Variants in CTSC observed in about 807,000 individuals in gnomAD.
CTSC encodes cathepsin C.
Under a neutral mutation model 40.9 loss-of-function variants are expected in CTSC, and 37 were observed. The observed-to-expected ratio is 0.91, with a 90% CI of 0.70 to 1.19. The LOEUF (loss-of-function observed/expected upper bound fraction) is 1.19. Ranked by LOEUF, CTSC falls within the 50% of genes most tolerant of loss-of-function variation. CTSC has a pLI of 0.00. For synonymous variants in CTSC, 232 were observed against 207.4 expected (o/e 1.12, Z -1.02); for missense variants, 594 against 567.3 (o/e 1.05, Z -0.48).
rs104894216 is a variant in CTSC at position 88,312,493 on chromosome 11, T to C, written c.380A>G (p.His127Arg). The C allele has an allele frequency of 8.7e-6, 14 of 1,614,082 alleles. No individual in the cohort carries two copies. Among genetic ancestry groups the C allele is most frequent in the Non-Finnish European group, 1.2e-5 (14 of 1,180,050 alleles). Reference sequence around the variant, plus strand: ...AGCCCAGTTCCGGCCCAACACATCATGCACCCACCCAGTCATTGTCTCGTT... The same window carrying C: ...AGCCCAGTTCCGGCCCAACACATCACGCACCCACCCAGTCATTGTCTCGTT... ...YCNETMTGWV[H>R]DVLGRNWACF... The change falls in exon 3 of 7, where the codon CAT becomes CGT. Residue 127 changes from histidine (H) to arginine (R), a missense_variant. By Grantham distance (29) the His-to-Arg change is conservative. Transcript: ENST00000227266.
intron 2 of CTSC, among the ~76,000 whole-genome samples, chr11:88,330,771 T>A (rs1485345436): frequency 6.6e-6 from 1 of 152,232 alleles, no homozygotes; most frequent in Non-Finnish European, 1.5e-5. Flanking sequence ...TCCAAATATA[T>A]GTATCTCCAT....
chr11:88,335,467 T>C (rs986992158), intron 1 of CTSC, among the ~76,000 whole-genome samples: 2 of 152,168 alleles, frequency 1.3e-5, no homozygotes, highest in East Asian at 3.9e-4. Context: ...CCCAGCTATT[T>C]GAGCGGCTGA....
chr11:88,328,326 C>A, intron 2 of CTSC: 1 of 712,516 alleles, frequency 1.4e-6, no homozygotes, highest in Non-Finnish European at 2.5e-6. Context: ...CTGAAATACT[C>A]TTACAAGTAA....
Position 88,296,474 on chromosome 11 carries a change from C to CATTA in CTSC, c.758-214_758-211dup, listed in dbSNP as rs1263844814. 3 of 527,802 alleles carry CATTA rather than the reference C, an allele frequency of 5.7e-6. No individual in the cohort carries two copies. The East Asian group carries it at 1.1e-4, about 20-fold the overall frequency. The allele number at this position is 527,802 out of a possible 1,614,324, so 32.7% of individuals were successfully genotyped here. ...TCATCCTTTTTCATCAAAAGGCAAA[C>CATTA]ATTAGTACATGGGACTTTCTTTGAG... On this transcript the variant is annotated intron_variant, in intron 5 of 6. Transcript: ENST00000227266.
intron 2 of CTSC, among the ~76,000 whole-genome samples, chr11:88,320,471 T>G (rs1435043596): frequency 2.0e-5 from 3 of 152,174 alleles, no homozygotes; most frequent in African/African-American, 7.2e-5. Context: ...CTCACTATAC[T>G]CAACAGAGGT....
At chr11:88,327,780 T>C (rs1359516233) in intron 2 of CTSC, 2 of 347,250 alleles carry the variant, frequency 5.8e-6, no homozygotes, top group Non-Finnish European at 1.1e-5. Flanking sequence ...CTAACTACTT[T>C]ACGAATGTGA....
intron 2 of CTSC, among the ~76,000 whole-genome samples, chr11:88,317,350 TTTG>T (rs1351577930): frequency 6.6e-6 from 1 of 152,276 alleles, no homozygotes; most frequent in Non-Finnish European, 1.5e-5. Context: ...CAACTTTGTT[TTTG>T]TTGTTATAAC....
intron 2 of CTSC, among the ~76,000 whole-genome samples, chr11:88,317,747 T>A (rs1037208005): frequency 3.3e-5 from 5 of 152,268 alleles, no homozygotes; most frequent in Non-Finnish European, 5.9e-5. Flanking sequence ...TTTTTCTGAG[T>A]TTTCACTTAT....
In CTSC at chr11:88,320,003, T is replaced by C. The variant is rs115415210; in HGVS notation, c.319-7449A>G. ...CTGTCAGAAAGGAACCAGGCAAATT[T>C]TACTGAATTGGTATTTTGCCAAATC... On this transcript the variant is annotated intron_variant, in intron 2 of 6. Coordinates refer to ENST00000227266, the MANE Select transcript of CTSC (RefSeq NM_001814.6). Among the ~76,000 whole-genome samples the C allele has an allele frequency of 5.6e-3, 848 of 152,338 alleles. 3 individuals carry two copies. Among genetic ancestry groups the C allele is most frequent in the African/African-American group, 0.02 (825 of 41,578 alleles).
At position 88,312,375 on chromosome 11, in the gene CTSC, T is replaced by C; in HGVS notation, c.485+13A>G. The C allele has an allele frequency of 4.3e-6, 7 of 1,613,644 alleles. No homozygotes were observed. Among genetic ancestry groups the C allele is most frequent in the Non-Finnish European group, 4.2e-6 (5 of 1,179,540 alleles). On this transcript the variant is annotated intron_variant, in intron 3 of 6. Coordinates refer to ENST00000227266, the MANE Select transcript of CTSC (RefSeq NM_001814.6). The stretch of plus-strand genomic sequence containing the variant: ...AACAAAACTAAACGTATGTCTCATT[T>C]GTAGCAACTCACTTTTCCTGAGAAT...
chr11:88,315,105 T>C (rs79062842), intron 2 of CTSC, among the ~76,000 whole-genome samples: 2,511 of 152,268 alleles, frequency 0.016, 78 homozygotes, highest in African/African-American at 0.057. Context: ...CAACCTAAAC[T>C]CCATAAAGTT....
At chr11:88,317,512 G>A (rs141816805) in intron 2 of CTSC, among the ~76,000 whole-genome samples, 18 of 152,210 alleles carry the variant, frequency 1.2e-4, no homozygotes, top group East Asian at 7.7e-4. Flanking sequence ...CACTCTGCAC[G>A]ACAACAACTT....
intron 5 of CTSC, chr11:88,296,681 G>A (rs1944302572): frequency 3.4e-6 from 1 of 292,402 alleles, no homozygotes. Context: ...CTAATGCAAT[G>A]AGATGAAGGT....
chr11:88,318,836 G>A (rs1019277099), intron 2 of CTSC, among the ~76,000 whole-genome samples: 1 of 152,212 alleles, frequency 6.6e-6, no homozygotes, highest in African/African-American at 2.4e-5. Context: ...AACCTGGGAG[G>A]TGGAGATTGC....
intron 4 of CTSC, among the ~76,000 whole-genome samples, chr11:88,306,682 C>T (rs903952074): frequency 4.6e-5 from 7 of 152,204 alleles, no homozygotes; most frequent in African/African-American, 1.7e-4. Flanking sequence ...GCCACCTCCA[C>T]CACTCAATAA....
intron 4 of CTSC, 98 bp from the exon 5 acceptor site, chr11:88,300,743 T>G (rs889678920): frequency 1.2e-6 from 1 of 800,956 alleles, no homozygotes; most frequent in African/African-American, 1.7e-5. Context: ...GCTACCAGAC[T>G]AGCTAGGATC....
chr11:88,316,754 A>G (rs1937888625), intron 2 of CTSC, among the ~76,000 whole-genome samples: 1 of 152,200 alleles, frequency 6.6e-6, no homozygotes. Context: ...AACAGTTAAC[A>G]AGGCACTGAG....
intron 2 of CTSC, among the ~76,000 whole-genome samples, chr11:88,313,673 C>G (rs898125643): frequency 8.5e-5 from 13 of 152,112 alleles, no homozygotes; most frequent in Admixed American, 2.0e-4. Flanking sequence ...TGCTAAATTT[C>G]TGAGGAGAGA....
At chr11:88,328,147 C>A in intron 2 of CTSC, 3 of 1,613,574 alleles carry the variant, frequency 1.9e-6, no homozygotes, top group South Asian at 2.2e-5. Flanking sequence ...ATCATATATC[C>A]CCACAGTTCC....
Sources: allele counts gnomAD v4.1 joint callset (sites outside exome capture counted in the v4.1 genomes callset), GRCh38; gene constraint gnomAD v4.1.1; transcripts MANE v1.5; gene names NCBI Gene and HGNC (gene_info 2026-07-23, HGNC 2026-07-21).